SOX6: variants seen among roughly 807,000 people sequenced by gnomAD.
SOX6 encodes the protein SRY-box transcription factor 6.
SOX6 carries 11 observed loss-of-function variants against 97.8 expected under a neutral mutation model. That is an observed-to-expected ratio of 0.11 (90% confidence interval 0.07 to 0.19). SOX6 has a LOEUF of 0.19. SOX6 is among the 10% of genes least tolerant of loss of function. The probability of loss-of-function intolerance (pLI) is 1.00; values close to 1 mark genes in which losing one functional copy is unlikely to be tolerated. For missense variants in SOX6, 810 were observed against 1,039.5 expected, an observed-to-expected ratio of 0.78 and a Z score of 3.04; for synonymous variants, 360 against 371.4, an observed-to-expected ratio of 0.97 and a Z score of 0.35.
At chr11:16,435,112 T>C (rs1198657330) in intron 1 of SOX6, among the ~76,000 whole-genome samples, 1 of 152,144 alleles carries the variant, frequency 6.6e-6, no homozygotes, top group African/African-American at 2.4e-5. Flanking sequence ...CCGAGTCTGA[T>C]TGCAATAGCA....
At chr11:16,074,727 A>C (rs546158372) in intron 9 of SOX6, among the ~76,000 whole-genome samples, 11 of 152,204 alleles carry the variant, frequency 7.2e-5, no homozygotes, top group Non-Finnish European at 1.3e-4. Context: ...CTAATGGAAA[A>C]TGAATGGAAA....
At chr11:16,037,701 A>C (rs1466162803) in intron 12 of SOX6, among the ~76,000 whole-genome samples, 2 of 152,160 alleles carry the variant, frequency 1.3e-5, no homozygotes, top group African/African-American at 2.4e-5. Context: ...GGTCACTCTG[A>C]CTCCAAAACA....
chr11:16,147,335 C>A (rs1195558416), intron 6 of SOX6, among the ~76,000 whole-genome samples: 1 of 151,968 alleles, frequency 6.6e-6, no homozygotes. Flanking sequence ...GGGAACATCA[C>A]ACACTGGGGC....
intron 1 of SOX6, chr11:16,738,358 C>A (rs963101181): frequency 4.8e-6 from 1 of 206,796 alleles, no homozygotes; most frequent in Admixed American, 5.2e-5. Context: ...GGCAGCGTTG[C>A]ACGGTGAAAG....
chr11:16,032,974 G>A (rs540457090), intron 12 of SOX6, among the ~76,000 whole-genome samples: 7 of 152,062 alleles, frequency 4.6e-5, no homozygotes, highest in Non-Finnish European at 8.8e-5. Context: ...AGCTTAATTA[G>A]CCTTACGACA....
At chr11:16,364,520 A>G (rs548827073) in intron 1 of SOX6, among the ~76,000 whole-genome samples, 3 of 152,248 alleles carry the variant, frequency 2.0e-5, no homozygotes, top group African/African-American at 2.4e-5. Context: ...TCTGTCACTT[A>G]TAAGTTATTT....
At chr11:16,154,126 G>A (rs915820216) in intron 6 of SOX6, among the ~76,000 whole-genome samples, 12 of 152,050 alleles carry the variant, frequency 7.9e-5, no homozygotes, top group South Asian at 4.1e-4. Flanking sequence ...ATGTTTTGAC[G>A]TTGGACAAAT....
At chr11:16,646,387 G>C (rs1412364917) in intron 3 of SOX6, 1 of 151,718 alleles carries the variant, frequency 6.6e-6, no homozygotes. Context: ...TATTTACTGT[G>C]ATTACTCATA....
intron 1 of SOX6, among the ~76,000 whole-genome samples, chr11:16,412,717 A>G (rs1191850937): frequency 1.3e-5 from 2 of 152,166 alleles, no homozygotes; most frequent in African/African-American, 4.8e-5. Flanking sequence ...TAAATGGTAT[A>G]ATTAGGAAAT....
At chr11:16,482,029 C>A (rs951781773) in intron 4 of SOX6, among the ~76,000 whole-genome samples, 1 of 152,090 alleles carries the variant, frequency 6.6e-6, no homozygotes, top group African/African-American at 2.4e-5. Context: ...AAAAAGACAG[C>A]TAGATTATCA....
At chr11:16,098,084 A>G (rs1159316647) in intron 7 of SOX6, among the ~76,000 whole-genome samples, 2 of 151,862 alleles carry the variant, frequency 1.3e-5, no homozygotes, top group African/African-American at 4.8e-5. Flanking sequence ...TAGGCAAAGA[A>G]GAGTATTAGA....
chr11:16,319,589 G>A (rs537576601), intron 2 of SOX6, among the ~76,000 whole-genome samples: 6 of 149,710 alleles, frequency 4.0e-5, no homozygotes, highest in Admixed American at 2.0e-4. Context: ...GATAACATGC[G>A]GCGTTTGGTT....
rs533950456 is a variant in SOX6, at chr11:16,268,589, A to T, written c.446-33918T>A. Among the ~76,000 whole-genome samples, 10 of 151,340 alleles carry T rather than the reference A, an allele frequency of 6.6e-5. No homozygotes were observed. The South Asian group carries it at 2.1e-3, about 31-fold the overall frequency. Reference sequence around the variant, plus strand: ...ACGTATCACAAACTGATATAACTACAAGAAGAAATGACAAATTCACAATTG... The same window carrying T: ...ACGTATCACAAACTGATATAACTACTAGAAGAAATGACAAATTCACAATTG... On this transcript the variant is annotated intron_variant, in intron 3 of 15. Coordinates refer to ENST00000683767, the MANE Select transcript of SOX6 (RefSeq NM_001367873.1).
intron 9 of SOX6, among the ~76,000 whole-genome samples, chr11:16,073,450 A>C (rs1475187963): frequency 6.6e-6 from 1 of 152,220 alleles, no homozygotes; most frequent in Non-Finnish European, 1.5e-5. Context: ...TTCATAAAGC[A>C]AGTTATTAGA....
chr11:16,569,868 C>CAAAAAAAAAAAAAAAAAAA lies in SOX6; in HGVS notation n.609+42212_609+42213insTTTTTTTTTTTTTTTTTTT, dbSNP rs34604334. Among the ~76,000 whole-genome samples the CAAAAAAAAAAAAAAAAAAA allele has an allele frequency of 7.1e-3, 599 of 84,674 alleles. 57 individuals carry two copies. Among genetic ancestry groups the CAAAAAAAAAAAAAAAAAAA allele is most frequent in the African/African-American group, 0.025 (395 of 16,016 alleles). 55.5% of individuals were successfully genotyped at this position (84,674 alleles called of 152,430 possible). A position where few individuals can be genotyped will look rare whatever the true frequency, so the allele number is the denominator to read the frequency against. ...TGGGTGACTGATCAAGACTCCGTCT[C>CAAAAAAAAAAAAAAAAAAA]AAAAAAAAAAAAAAAAAGATATACT... On this transcript the variant is annotated intron_variant and non_coding_transcript_variant, in intron 4 of 5. Transcript: ENST00000524520.
chr11:16,119,805 G>A (rs531485145), intron 6 of SOX6, among the ~76,000 whole-genome samples: 1 of 152,184 alleles, frequency 6.6e-6, no homozygotes, highest in African/African-American at 2.4e-5. Context: ...ATATAATCTT[G>A]TTCTCTCTTC....
intron 6 of SOX6, among the ~76,000 whole-genome samples, chr11:16,173,579 G>GTT (rs562492298): frequency 7.6e-6 from 1 of 131,254 alleles, no homozygotes; most frequent in Non-Finnish European, 1.7e-5. Flanking sequence ...TAGTTTTTTT[G>GTT]TTTTTTTTTT....
chr11:16,051,346 A>C (rs1275676876), intron 10 of SOX6, among the ~76,000 whole-genome samples: 1 of 152,132 alleles, frequency 6.6e-6, no homozygotes, highest in Non-Finnish European at 1.5e-5. Context: ...CGGGGGAAAG[A>C]ATTTAAATTC....
At chr11:16,447,864 G>C (rs539189232) in intron 1 of SOX6, among the ~76,000 whole-genome samples, 5 of 152,266 alleles carry the variant, frequency 3.3e-5, no homozygotes, top group Non-Finnish European at 7.4e-5. Context: ...GCATATAAGT[G>C]GTTGTATTCA....
Sources: allele counts gnomAD v4.1 joint callset (sites outside exome capture counted in the v4.1 genomes callset), GRCh38; gene constraint gnomAD v4.1.1; transcripts MANE v1.5; gene names NCBI Gene and HGNC (gene_info 2026-07-23, HGNC 2026-07-21).